HK1: variants seen among roughly 807,000 people sequenced by gnomAD.
The protein encoded by HK1 is hexokinase 1.
A neutral mutation model predicts 91.6 loss-of-function variants in HK1; 28 were observed. That is an observed-to-expected ratio of 0.31 (90% CI 0.23 to 0.42). The LOEUF is 0.42. Among genes scored for constraint, HK1 ranks in the 10% least tolerant of loss-of-function variants. The pLI is 1.00. For missense variants in HK1, 770 were observed against 1,219.8 expected (o/e 0.63, Z 5.49); for synonymous variants, 430 against 468.1 (o/e 0.92, Z 1.05).
rs1002787530 is a variant in HK1, at chr10:69,270,394, A to G, written c.-391+286A>G. Among the ~76,000 whole-genome samples, 6 of 152,122 alleles carry G rather than the reference A, an allele frequency of 3.9e-5. No homozygotes were observed. In the East Asian group the frequency reaches 1.2e-3, roughly 29 times the overall value. On this transcript the variant is annotated intron_variant, in intron 1 of 21. Coordinates refer to the HK1 transcript ENST00000360289. ...TCAGGAGTTCTAGACCAGCCTGGCCAACATGGTGAAACCTCATCTCTACTA... is the reference window on the plus strand; with the variant it reads ...TCAGGAGTTCTAGACCAGCCTGGCCGACATGGTGAAACCTCATCTCTACTA...
At chr10:69,398,023 A>G (rs1341807584) in intron 16 of HK1, among the ~76,000 whole-genome samples, 1 of 152,272 alleles carries the variant, frequency 6.6e-6, no homozygotes, top group African/African-American at 2.4e-5. Context: ...GCATCTGGCA[A>G]TGTGTAGCAA....
chr10:69,395,560 CAACAG>C (rs1840097259), intron 16 of HK1, among the ~76,000 whole-genome samples: 1 of 152,194 alleles, frequency 6.6e-6, no homozygotes, highest in Non-Finnish European at 1.5e-5. Context: ...CCTGGCCTGG[CAACAG>C]AGCGAGACTG....
chr10:69,284,469 A>G (rs1021564027), intron 2 of HK1, among the ~76,000 whole-genome samples: 6 of 152,286 alleles, frequency 3.9e-5, no homozygotes, highest in African/African-American at 1.4e-4. Flanking sequence ...CCTCTCTGAA[A>G]GCAAGGCTAA....
chr10:69,343,871 C>A lies in HK1; in HGVS notation c.108C>A (p.Leu36=), dbSNP rs368609682. The A allele has an allele frequency of 6.2e-7, 1 of 1,613,850 alleles. No homozygotes were observed. The highest frequency in any genetic ancestry group is 1.3e-5 in the African/African-American group (1 of 74,896). Residue 36 remains leucine, a synonymous_variant, in exon 2 of 18, where the codon CTC becomes CTA. Transcript: ENST00000359426. ...LYAMRLSDET[L]IDIMTRFRKE... is the part of the protein sequence containing the mutation. ...CCATGCGGCTCTCCGATGAAACTCT[C>A]ATAGATATCATGACTCGCTTCAGGA...
At chr10:69,277,589 A>G (rs78996699) in intron 1 of HK1, among the ~76,000 whole-genome samples, 149 of 152,302 alleles carry the variant, frequency 9.8e-4, no homozygotes, top group African/African-American at 3.3e-3. Flanking sequence ...AGAAATAAAT[A>G]GGATTCTACT....
chr10:69,309,073 G>A (rs1846234817), intron 5 of HK1, among the ~76,000 whole-genome samples: 1 of 152,156 alleles, frequency 6.6e-6, no homozygotes, highest in Non-Finnish European at 1.5e-5. Context: ...ACTTTGGAAG[G>A]CCAAGTCAGG....
In HK1 at chr10:69,398,564, C is replaced by T. The variant is rs548071264; in HGVS notation, c.2376-31C>T. The T allele has an allele frequency of 8.4e-5, 132 of 1,578,854 alleles. 1 individual carries two copies. The South Asian group carries it at 1.4e-3, about 16-fold the overall frequency. ...CAGGCTGCTCTTGTGGGTCCTGCTT[C>T]ATCCAGCCCTCTGGCTCTTGTCCCC... On this transcript the variant is annotated intron_variant, in intron 16 of 17. Transcript: ENST00000359426.
intron 5 of HK1, among the ~76,000 whole-genome samples, chr10:69,305,577 G>T (rs1182850945): frequency 6.6e-6 from 1 of 152,082 alleles, no homozygotes; most frequent in African/African-American, 2.4e-5. Flanking sequence ...GAAGAAGGCT[G>T]GGTGTGGTAG....
intron 10 of HK1, among the ~76,000 whole-genome samples, chr10:69,383,140 C>T (rs904501373): frequency 6.6e-6 from 1 of 152,036 alleles, no homozygotes. Context: ...AGTTCAAGAC[C>T]AGTCTGGGCA....
rs749018348 is a variant in HK1 at position 69,380,171 on chromosome 10, G to A, written c.1265+76G>A. 1.9e-5 allele frequency: 24 copies of A among 1,231,630 alleles called. No homozygotes were observed. Among genetic ancestry groups the A allele is most frequent in the Middle Eastern group, 1.9e-4 (1 of 5,364 alleles). 76.3% of individuals were successfully genotyped at this position (1,231,630 alleles called of 1,614,324 possible). ...GACCTTCTCCAGAGATCAGACTTTT[G>A]TACCCGGTAAACGTTTTTCGGCAGA... On this transcript the variant is annotated intron_variant, in intron 9 of 17. Coordinates refer to ENST00000359426, the MANE Select transcript of HK1 (RefSeq NM_000188.3). This position sits in a 1 kb window ranked among gnomAD's most constrained non-coding sequence, Gnocchi z 4.0.
intron 5 of HK1, among the ~76,000 whole-genome samples, chr10:69,305,822 C>T (rs1489467581): frequency 6.7e-6 from 1 of 150,144 alleles, no homozygotes; most frequent in African/African-American, 2.5e-5. Flanking sequence ...CACTGCACTC[C>T]AGCCTGGGCG....
intron 13 of HK1, chr10:69,386,686 G>A (rs988061743): frequency 1.2e-4 from 42 of 363,508 alleles, no homozygotes; most frequent in African/African-American, 8.5e-4. Flanking sequence ...GGAGACTGAG[G>A]CAGAAGAATC....
intron 1 of HK1, among the ~76,000 whole-genome samples, chr10:69,334,183 A>G (rs1847865682): frequency 6.6e-6 from 1 of 152,176 alleles, no homozygotes; most frequent in African/African-American, 2.4e-5. Flanking sequence ...TTGAAACAGA[A>G]CCAACAGTTT....
At chr10:69,325,044 ATTTTTTTTTTTT>A (rs1046990181) in intron 1 of HK1, among the ~76,000 whole-genome samples, 2 of 93,884 alleles carry the variant, frequency 2.1e-5, no homozygotes, top group African/African-American at 8.5e-5. Flanking sequence ...AAAAATGTGT[ATTTTTTTTTTTT>A]TTTTTTTTTT....
intron 4 of HK1, among the ~76,000 whole-genome samples, chr10:69,365,230 T>C (rs534680829): frequency 6.6e-6 from 1 of 152,090 alleles, no homozygotes; most frequent in Non-Finnish European, 1.5e-5. Context: ...TTTGCCAGAA[T>C]TGCATGGTGT....
At chr10:69,385,796 G>GCA in intron 12 of HK1, among the ~76,000 whole-genome samples, 1 of 152,186 alleles carries the variant, frequency 6.6e-6, no homozygotes, top group Non-Finnish European at 1.5e-5. Context: ...CTGTTTGTTT[G>GCA]TTTTTAAAGC....
At chr10:69,296,239 A>G (rs1321188545) in intron 4 of HK1, 1 of 163,338 alleles carries the variant, frequency 6.1e-6, no homozygotes, top group Non-Finnish European at 1.4e-5. Context: ...GTGGCAACAG[A>G]GTGGATCTGA....
intron 1 of HK1, among the ~76,000 whole-genome samples, chr10:69,336,147 G>A (rs752669130): frequency 2.0e-5 from 3 of 152,178 alleles, no homozygotes; most frequent in Non-Finnish European, 4.4e-5. Context: ...TTTTTATGAT[G>A]TTGGAATATA....
At chr10:69,346,845 C>T (rs78174932) in intron 2 of HK1, among the ~76,000 whole-genome samples, 150 of 152,188 alleles carry the variant, frequency 9.9e-4, no homozygotes, top group African/African-American at 3.5e-3. Context: ...ATAGAATTCC[C>T]TCTTCAAAGC....
Sources: gnomAD v4.1 joint callset for allele counts (sites outside exome capture counted in the v4.1 genomes callset) on GRCh38, gnomAD v4.1.1 for gene constraint, Gnocchi (gnomAD v3.1) non-coding constraint, MANE v1.5 for transcripts, NCBI Gene and HGNC (gene_info 2026-07-23, HGNC 2026-07-21) for gene names.